Variants in CSMD1 observed in about 807,000 individuals in gnomAD.
CSMD1 encodes CUB and sushi domain-containing protein 1.
CSMD1 carries 213 observed loss-of-function variants against 417.5 expected under a neutral mutation model. That is an observed-to-expected ratio of 0.51 (90% CI 0.46 to 0.57). The LOEUF is 0.57. Ranked by LOEUF, CSMD1 falls within the 20% of genes least tolerant of loss-of-function variation. The probability of loss-of-function intolerance (pLI) is 0.00; values close to 1 mark genes in which losing one functional copy is unlikely to be tolerated. For missense variants in CSMD1, 6,923 were observed against 4,529.7 expected (o/e 1.53, Z -15.17); for synonymous variants, 2,862 against 1,736.8 (o/e 1.65, Z -16.11).
At chr8:4,656,042 T>A (rs963734945) in intron 1 of CSMD1, among the ~76,000 whole-genome samples, 11 of 151,852 alleles carry the variant, frequency 7.2e-5, no homozygotes, top group African/African-American at 2.7e-4. Context: ...AGATGAGTAG[T>A]GTTATGGAAG....
intron 1 of CSMD1, among the ~76,000 whole-genome samples, chr8:4,908,714 TTC>T (rs1805466619): frequency 2.7e-5 from 2 of 74,566 alleles, no homozygotes; most frequent in Admixed American, 3.4e-4. Flanking sequence ...TATTCTTCAT[TTC>T]TGTCACCATG....
intron 3 of CSMD1, among the ~76,000 whole-genome samples, chr8:4,297,368 G>A (rs961291173): frequency 2.6e-5 from 4 of 152,024 alleles, no homozygotes; most frequent in South Asian, 2.1e-4. Context: ...GATAAAAGAT[G>A]CAGACGTTCA....
chr8:3,411,707 CACGT>C lies in CSMD1; in HGVS notation c.1562-2106_1562-2103del, dbSNP rs796155652. ...GTGTATATATACACACGTATATATA[CACGT>C]ATATATACACGTACATATATACACG... On this transcript the variant is annotated intron_variant, in intron 12 of 69. Coordinates refer to ENST00000635120, the MANE Select transcript of CSMD1 (RefSeq NM_033225.6). Among the ~76,000 whole-genome samples the C allele has an allele frequency of 3.3e-5, 4 of 121,138 alleles. No homozygotes were observed. The Admixed American group carries it at 3.5e-4, about 11-fold the overall frequency. 79.5% of individuals were successfully genotyped at this position (121,138 alleles called of 152,430 possible).
intron 5 of CSMD1, among the ~76,000 whole-genome samples, chr8:3,765,981 G>A (rs1304576559): frequency 6.6e-6 from 1 of 152,220 alleles, no homozygotes; most frequent in African/African-American, 2.4e-5. Flanking sequence ...TTAACCCAGA[G>A]GTCAGGCAGA....
intron 10 of CSMD1, among the ~76,000 whole-genome samples, chr8:3,529,459 A>C (rs1385405306): frequency 6.6e-6 from 1 of 152,210 alleles, no homozygotes; most frequent in East Asian, 1.9e-4. Context: ...CAGAATCATA[A>C]ATTTGGGTTA....
intron 7 of CSMD1, among the ~76,000 whole-genome samples, chr8:3,660,541 A>G (rs13251048): frequency 0.99 from 67,520 of 68,518 alleles, 33,275 homozygotes; most frequent in Non-Finnish European, 0.99. Context: ...TTTTTTTTGA[A>G]AAAAAACAAG....
At chr8:4,393,066 C>A (rs1237759734) in intron 3 of CSMD1, among the ~76,000 whole-genome samples, 2 of 152,082 alleles carry the variant, frequency 1.3e-5, no homozygotes, top group African/African-American at 4.8e-5. Context: ...CCCTCCGCCT[C>A]CGGGGTTCAA....
In CSMD1 at chr8:3,396,221, T is replaced by A; in HGVS notation, c.2566A>T (p.Ser856Cys). The A allele has an allele frequency of 2.6e-6, 4 of 1,567,478 alleles. No homozygotes were observed. Among genetic ancestry groups the A allele is most frequent in the Admixed American group, 3.8e-5 (2 of 52,748 alleles). Residue 856 changes from serine (S) to cysteine (C), a missense_variant, in exon 17 of 70, where the codon AGC (serine) becomes TGC (cysteine). Coordinates refer to ENST00000635120, the MANE Select transcript of CSMD1 (RefSeq NM_033225.6). ...TCATAGTGGATGAGGAAGCCGATGC[T>A]GGAGCGGCTGTTGTCAGTGGTGAAC... Reference protein sequence around the residue: ...LLFTTDNSRSSIGFLIHYESV... With the variant: ...LLFTTDNSRSCIGFLIHYESV...
intron 7 of CSMD1, among the ~76,000 whole-genome samples, chr8:3,701,566 T>C (rs1585099127): frequency 6.6e-6 from 1 of 152,140 alleles, no homozygotes; most frequent in African/African-American, 2.4e-5. Flanking sequence ...TACCCACTAG[T>C]GTATTTTATT....
chr8:4,040,022 A>G (rs1036026811), intron 3 of CSMD1, among the ~76,000 whole-genome samples: 2 of 150,822 alleles, frequency 1.3e-5, no homozygotes, highest in Non-Finnish European at 3.0e-5. Context: ...CAGGACTGTT[A>G]AAATTATTTT....
At chr8:3,959,116 A>C (rs1330297143) in intron 5 of CSMD1, among the ~76,000 whole-genome samples, 1 of 152,176 alleles carries the variant, frequency 6.6e-6, no homozygotes, top group Non-Finnish European at 1.5e-5. Context: ...TTTCACTTTT[A>C]TATCGCACAC....
At chr8:3,446,972 C>A (rs1388092893) in intron 12 of CSMD1, among the ~76,000 whole-genome samples, 1 of 152,052 alleles carries the variant, frequency 6.6e-6, no homozygotes, top group Non-Finnish European at 1.5e-5. Flanking sequence ...GACTTGTTAA[C>A]AAAGGAGTTG....
intron 3 of CSMD1, among the ~76,000 whole-genome samples, chr8:4,297,299 A>G (rs1448469870): frequency 1.3e-5 from 2 of 152,172 alleles, no homozygotes; most frequent in African/African-American, 4.8e-5. Flanking sequence ...TGTATCTTAC[A>G]TAAGATACTG....
intron 5 of CSMD1, among the ~76,000 whole-genome samples, chr8:3,871,324 C>A (rs912712920): frequency 6.6e-6 from 1 of 152,034 alleles, no homozygotes; most frequent in African/African-American, 2.4e-5. Context: ...TGGAAAATCA[C>A]AACATCATAG....
At chr8:4,691,468 G>T (rs1157443931) in intron 1 of CSMD1, among the ~76,000 whole-genome samples, 1 of 152,118 alleles carries the variant, frequency 6.6e-6, no homozygotes, top group African/African-American at 2.4e-5. Flanking sequence ...TATCATTGAT[G>T]GAACTCTCCG....
intron 3 of CSMD1, among the ~76,000 whole-genome samples, chr8:4,411,347 C>A (rs1796640566): frequency 6.6e-6 from 1 of 151,948 alleles, no homozygotes. Context: ...CTATCAAGAG[C>A]ACCTTGATTT....
At chr8:3,269,781 A>G (rs13266144) in intron 26 of CSMD1, among the ~76,000 whole-genome samples, 40,561 of 152,042 alleles carry the variant, frequency 0.27, 5,643 homozygotes, top group African/African-American at 0.33. Flanking sequence ...GCTGATTACA[A>G]TTAACATAAT....
At chr8:4,061,232 A>C (rs1384109818) in intron 3 of CSMD1, among the ~76,000 whole-genome samples, 1 of 152,216 alleles carries the variant, frequency 6.6e-6, no homozygotes, top group Non-Finnish European at 1.5e-5. Flanking sequence ...ATTAGAGAGG[A>C]AAGAGGAGCT....
chr8:4,950,129 A>G (rs1808642814), intron 1 of CSMD1, among the ~76,000 whole-genome samples: 1 of 152,120 alleles, frequency 6.6e-6, no homozygotes, highest in South Asian at 2.1e-4. Flanking sequence ...TAAGATTTTA[A>G]TATATGTCTA....
Sources: gnomAD v4.1 joint callset for allele counts (sites outside exome capture counted in the v4.1 genomes callset) on GRCh38, gnomAD v4.1.1 for gene constraint, MANE v1.5 for transcripts, NCBI Gene and HGNC (gene_info 2026-07-23, HGNC 2026-07-21) for gene names.